The following ADGRG2 variants were observed in gnomAD, a reference collection of about 807,000 sequenced individuals.
ADGRG2 encodes G protein-coupled receptor 64.
In ADGRG2, 26 loss-of-function variants were observed where a neutral mutation model predicts 74.1. The observed-to-expected ratio is 0.35, with a 90% CI of 0.26 to 0.49. ADGRG2 has a LOEUF of 0.49. ADGRG2 is among the 20% of genes least tolerant of loss of function. The pLI, the probability that ADGRG2 is intolerant of heterozygous loss-of-function variation, is 0.99. For synonymous variants in ADGRG2, 296 were observed against 295.2 expected, an observed-to-expected ratio of 1.00 and a Z score of -0.03; for missense variants, 619 against 763.1, an observed-to-expected ratio of 0.81 and a Z score of 2.22.
At chrX:19,007,508 A>G (rs2060261634) in intron 19 of ADGRG2, 151 bp from the exon 20 acceptor site, 1 of 496,836 alleles carries the variant, frequency 2.0e-6, no homozygotes, top group African/African-American at 2.4e-5. Flanking sequence ...CCAAGGGATC[A>G]CAATCAGAGA....
At chrX:19,103,479 C>T (rs1002002903) in intron 1 of ADGRG2, among the ~76,000 whole-genome samples, 14 of 111,775 alleles carry the variant, frequency 1.3e-4, no homozygotes, top group Non-Finnish European at 2.6e-4. Context: ...ATTCTTTATT[C>T]CTTTACTTTC....
intron 28 of ADGRG2, among the ~76,000 whole-genome samples, 180 bp from the exon 29 acceptor site, chrX:18,991,228 T>C (rs1389271946): frequency 3.6e-5 from 4 of 112,124 alleles, no homozygotes; most frequent in Non-Finnish European, 7.5e-5. Context: ...CCACTCAAAG[T>C]AAGCATACCA....
intron 23 of ADGRG2, among the ~76,000 whole-genome samples, chrX:19,003,360 T>G (rs765255944): frequency 9.0e-6 from 1 of 111,007 alleles, no homozygotes; most frequent in Admixed American, 9.6e-5. Flanking sequence ...TTCGCCATGT[T>G]GCCTAGGCTG....
chrX:19,008,235 TA>T (rs397951783), intron 18 of ADGRG2, 112 bp from the exon 19 acceptor site: 43 of 475,468 alleles, frequency 9.0e-5, no homozygotes, highest in South Asian at 1.7e-4. Flanking sequence ...ATTTTTTTTT[TA>T]AAAAAAGATA....
intron 1 of ADGRG2, among the ~76,000 whole-genome samples, chrX:19,099,232 C>A (rs764190657): frequency 1.8e-5 from 2 of 111,575 alleles, no homozygotes; most frequent in East Asian, 5.6e-4. Flanking sequence ...ATGGCCTTGA[C>A]AAGAAACAAC....
chrX:19,039,494 G>C (rs755419667), intron 4 of ADGRG2, among the ~76,000 whole-genome samples: 1 of 112,609 alleles, frequency 8.9e-6, no homozygotes, highest in East Asian at 2.8e-4. Context: ...TTCTGGAATA[G>C]ATGGTGTACC....
chrX:19,021,381 TA>T (rs1569382943), intron 13 of ADGRG2, 183 bp from the exon 14 acceptor site: 1 of 484,182 alleles, frequency 2.1e-6, no homozygotes, highest in African/African-American at 2.3e-5. Context: ...AAAAAGACTT[TA>T]TATTAAGAGA....
chrX:19,006,925 T>G (rs1294681755), intron 20 of ADGRG2, among the ~76,000 whole-genome samples: 1 of 108,148 alleles, frequency 9.2e-6, no homozygotes, highest in Non-Finnish European at 1.9e-5. Flanking sequence ...CCCAGCTAAT[T>G]TTTGTATCTT....
chrX:19,112,077 T>G (rs1445893043), intron 1 of ADGRG2, among the ~76,000 whole-genome samples: 1 of 109,116 alleles, frequency 9.2e-6, no homozygotes, highest in Admixed American at 9.9e-5. Context: ...ATTATTATTA[T>G]TATTATTATT....
At chrX:19,050,118 C>T (rs1039150906) in intron 3 of ADGRG2, among the ~76,000 whole-genome samples, 19 of 111,276 alleles carry the variant, frequency 1.7e-4, no homozygotes, top group Non-Finnish European at 3.2e-4. Context: ...GGGAGGTAAT[C>T]CCAGGAGGCA....
At chrX:19,048,557 G>A (rs2061242865) in intron 3 of ADGRG2, among the ~76,000 whole-genome samples, 1 of 111,687 alleles carries the variant, frequency 9.0e-6, no homozygotes, top group African/African-American at 3.3e-5. Context: ...GAGAAGGAAG[G>A]GCCACTGACC....
intron 28 of ADGRG2, among the ~76,000 whole-genome samples, chrX:18,992,143 A>T (rs2059933831): frequency 8.9e-6 from 1 of 112,007 alleles, no homozygotes; most frequent in Non-Finnish European, 1.9e-5. Context: ...CTAGGTGATG[A>T]ATATGGTTAA....
chrX:19,023,531 G>T, intron 12 of ADGRG2, 78 bp from the exon 13 acceptor site: 1 of 567,754 alleles, frequency 1.8e-6, no homozygotes, highest in Non-Finnish European at 2.9e-6. Context: ...AAGACCTAAG[G>T]CTAATCACAG....
intron 2 of ADGRG2, among the ~76,000 whole-genome samples, chrX:19,075,617 C>CAAAAAAAAAAAAAAAAAAA (rs61690480): frequency 1.0e-4 from 4 of 39,447 alleles, no homozygotes; most frequent in Middle Eastern, 0.01. Context: ...GACTTCGCCT[C>CAAAAAAAAAAAAAAAAAAA]AAAAAAAAAA....
intron 1 of ADGRG2, among the ~76,000 whole-genome samples, chrX:19,122,120 G>A (rs1303734573): frequency 1.8e-5 from 2 of 112,740 alleles, no homozygotes; most frequent in African/African-American, 6.4e-5. Context: ...AGTTTCCCGC[G>A]GGTTGGGGAA....
At chrX:19,113,997 G>A (rs1048690640) in intron 1 of ADGRG2, among the ~76,000 whole-genome samples, 1 of 106,273 alleles carries the variant, frequency 9.4e-6, no homozygotes, top group African/African-American at 3.5e-5. Flanking sequence ...ACCTGAACCC[G>A]GGAGGCAGAG....
At chrX:19,003,142 G>A (rs2060162694) in intron 23 of ADGRG2, 28 bp from the exon 24 acceptor site, 2 of 1,150,173 alleles carry the variant, frequency 1.7e-6, no homozygotes, top group African/African-American at 3.6e-5. Context: ...GAACAAGAAT[G>A]AGCATTCTAC....
In ADGRG2 at chrX:19,056,636, C is replaced by T. The variant is rs565266547; in HGVS notation, c.118+12081G>A. Among the ~76,000 whole-genome samples, 12 of 111,953 alleles carry T rather than the reference C, an allele frequency of 1.1e-4. No individual in the cohort carries two copies. In the South Asian group the frequency reaches 4.5e-3, roughly 42 times the overall value. On this transcript the variant is annotated intron_variant, in intron 3 of 28. Coordinates refer to ENST00000379869, the MANE Select transcript of ADGRG2 (RefSeq NM_001079858.3). ...TTTTTAAGTTGCCTCTGTTTTGAAG[C>T]CACGTTAACCCTTAACCTTCAGAAA... is the stretch of plus-strand genomic sequence containing the variant.
intron 3 of ADGRG2, among the ~76,000 whole-genome samples, chrX:19,062,712 G>T (rs1419576406): frequency 9.0e-6 from 1 of 111,000 alleles, no homozygotes; most frequent in Non-Finnish European, 1.9e-5. Context: ...AAGGACTCAG[G>T]TGAACACAGC....
Sources: allele counts gnomAD v4.1 joint callset (sites outside exome capture counted in the v4.1 genomes callset), GRCh38; gene constraint gnomAD v4.1.1; transcripts MANE v1.5; gene names NCBI Gene and HGNC (gene_info 2026-07-23, HGNC 2026-07-21).